PLD5: variants seen among roughly 807,000 people sequenced by gnomAD.
The protein encoded by PLD5 is phospholipase D family member 5, also known as inactive phospholipase D5.
In PLD5, 36 loss-of-function variants were observed where a neutral mutation model predicts 61.1. That is an observed-to-expected ratio of 0.59 (90% CI 0.45 to 0.78). The LOEUF is 0.78. Ranked by LOEUF, PLD5 falls within the 30% of genes least tolerant of loss-of-function variation. The pLI, the probability that PLD5 is intolerant of heterozygous loss-of-function variation, is 0.00. For synonymous variants in PLD5, 243 were observed against 242.8 expected (o/e 1.00, Z -0.01); for missense variants, 515 against 644.4 (o/e 0.80, Z 2.17).
intron 1 of PLD5, among the ~76,000 whole-genome samples, chr1:242,379,346 T>C (rs1662151913): frequency 1.3e-5 from 2 of 152,214 alleles, no homozygotes; most frequent in South Asian, 2.1e-4. Flanking sequence ...CCTCTTGGCC[T>C]ATTCTTCTCT....
In PLD5 at chr1:242,089,923, G is replaced by A; in HGVS notation, c.1542C>T (p.Phe514=). 6.2e-7 allele frequency: 1 copy of A among 1,614,194 alleles called. No homozygotes were observed. Among genetic ancestry groups the A allele is most frequent in the East Asian group, 2.2e-5 (1 of 44,874 alleles). The change falls in exon 10 of 10, where the codon TTC becomes TTT. Residue 514 remains phenylalanine, a synonymous_variant. Coordinates refer to ENST00000536534, the MANE Select transcript of PLD5 (RefSeq NM_001372062.1). ...PTKQPNCSSL[F]KLKPLSNKTA... is the part of the protein sequence containing the mutation. ...TTTTGTTGGAGAGGGGTTTGAGTTT[G>A]AACAGGCTTGAGCAGTTCGGCTGTT...
chr1:242,462,577 T>C (rs1403582342), intron 1 of PLD5, among the ~76,000 whole-genome samples: 1 of 147,890 alleles, frequency 6.8e-6, no homozygotes, highest in Non-Finnish European at 1.5e-5. Flanking sequence ...AATCTGCACA[T>C]GGACCCCCCT....
chr1:242,479,361 A>G (rs1667697093), intron 1 of PLD5, among the ~76,000 whole-genome samples: 1 of 152,232 alleles, frequency 6.6e-6, no homozygotes, highest in Non-Finnish European at 1.5e-5. Context: ...TCAATATACA[A>G]AAATGAATTG....
chr1:242,370,410 G>A (rs1379020384), intron 1 of PLD5, among the ~76,000 whole-genome samples: 5 of 152,058 alleles, frequency 3.3e-5, no homozygotes, highest in South Asian at 2.1e-4. Context: ...AGGACCTTAC[G>A]GGTGAGGGGT....
intron 5 of PLD5, among the ~76,000 whole-genome samples, chr1:242,219,671 T>C (rs746524322): frequency 6.6e-6 from 1 of 152,228 alleles, no homozygotes; most frequent in Non-Finnish European, 1.5e-5. Flanking sequence ...CCCTGTCTCA[T>C]AGATGATGTA....
At chr1:242,174,206 AAAAC>A (rs199502740) in intron 5 of PLD5, among the ~76,000 whole-genome samples, 38,583 of 149,952 alleles carry the variant, frequency 0.26, 4,428 homozygotes, top group Non-Finnish European at 0.32. Context: ...TTACAAGAAA[AAAAC>A]AAACAACCCC....
At chr1:242,194,331 C>T (rs1018494049) in intron 5 of PLD5, among the ~76,000 whole-genome samples, 6 of 152,112 alleles carry the variant, frequency 3.9e-5, no homozygotes, top group Non-Finnish European at 8.8e-5. Flanking sequence ...GGAATGTAAA[C>T]TAGTACAACC....
chr1:242,240,626 C>A (rs2149059668), intron 4 of PLD5, among the ~76,000 whole-genome samples: 1 of 151,812 alleles, frequency 6.6e-6, no homozygotes, highest in Middle Eastern at 3.4e-3. Flanking sequence ...AGTTTTAGGC[C>A]AAAGGCAGAG....
intron 1 of PLD5, among the ~76,000 whole-genome samples, chr1:242,466,176 TATA>T (rs1374051700): frequency 6.6e-6 from 1 of 152,226 alleles, no homozygotes; most frequent in African/African-American, 2.4e-5. Context: ...TAATATAACA[TATA>T]ATTGCAAAAT....
chr1:242,510,927 T>C (rs1668887794), intron 1 of PLD5, among the ~76,000 whole-genome samples: 1 of 152,174 alleles, frequency 6.6e-6, no homozygotes, highest in South Asian at 2.1e-4. Context: ...ATTAAATGAC[T>C]ATGTATTTCT....
chr1:242,455,750 A>T (rs948330466), intron 1 of PLD5, among the ~76,000 whole-genome samples: 3 of 152,252 alleles, frequency 2.0e-5, no homozygotes, highest in African/African-American at 7.2e-5. Flanking sequence ...GCATTTCTAC[A>T]AGGCTGTGTA....
chr1:242,422,571 A>G (rs1286287318), intron 1 of PLD5, among the ~76,000 whole-genome samples: 1 of 152,172 alleles, frequency 6.6e-6, no homozygotes. Context: ...TTGATTTAGG[A>G]AAAATGGAGT....
chr1:242,458,673 CAT>C (rs1667017732), intron 1 of PLD5, among the ~76,000 whole-genome samples: 1 of 152,174 alleles, frequency 6.6e-6, no homozygotes, highest in African/African-American at 2.4e-5. Flanking sequence ...GTTAAACCAC[CAT>C]ATATGTTATT....
chr1:242,311,038 T>A (rs1026338522), intron 2 of PLD5, among the ~76,000 whole-genome samples: 1 of 152,080 alleles, frequency 6.6e-6, no homozygotes, highest in African/African-American at 2.4e-5. Context: ...ACATATATAC[T>A]ATAAACAAAA....
At chr1:242,117,721 A>G (rs896454387) in intron 6 of PLD5, among the ~76,000 whole-genome samples, 2 of 152,052 alleles carry the variant, frequency 1.3e-5, no homozygotes, top group African/African-American at 4.8e-5. Context: ...TGCTTTTCCC[A>G]ACCCTGTACT....
At chr1:242,217,334 A>G (rs1380642518) in intron 5 of PLD5, among the ~76,000 whole-genome samples, 2 of 152,210 alleles carry the variant, frequency 1.3e-5, no homozygotes, top group African/African-American at 4.8e-5. Context: ...CATTAAGAAC[A>G]TTTGTTGGCC....
intron 1 of PLD5, among the ~76,000 whole-genome samples, chr1:242,475,510 C>T (rs1667570725): frequency 6.6e-6 from 1 of 151,980 alleles, no homozygotes; most frequent in Non-Finnish European, 1.5e-5. Context: ...TCACATAAAA[C>T]CTGTGACTGA....
chr1:242,482,204 C>T (rs557182723), intron 1 of PLD5, among the ~76,000 whole-genome samples: 28 of 152,288 alleles, frequency 1.8e-4, no homozygotes, highest in African/African-American at 3.6e-4. Context: ...CAAAGCTGGA[C>T]GGAGAATGAC....
chr1:242,196,810 T>G (rs112699149), intron 5 of PLD5, among the ~76,000 whole-genome samples: 7 of 152,218 alleles, frequency 4.6e-5, no homozygotes, highest in African/African-American at 1.7e-4. Context: ...CACACTGTGT[T>G]TGGTGTGTAT....
Sources: gnomAD v4.1 joint callset for allele counts (sites outside exome capture counted in the v4.1 genomes callset) on GRCh38, gnomAD v4.1.1 for gene constraint, MANE v1.5 for transcripts, NCBI Gene and HGNC (gene_info 2026-07-23, HGNC 2026-07-21) for gene names.